DAB1: variants seen among roughly 807,000 people sequenced by gnomAD.
The protein encoded by DAB1 is DAB adaptor protein 1.
A neutral mutation model predicts 64.6 loss-of-function variants in DAB1; 15 were observed. That is an observed-to-expected ratio of 0.23 (90% CI 0.16 to 0.36). DAB1 has a LOEUF of 0.36. DAB1 is among the 10% of genes least tolerant of loss of function. DAB1 has a pLI of 1.00. For synonymous variants in DAB1, 235 were observed against 251.9 expected (o/e 0.93, Z 0.64); for missense variants, 596 against 706.7 (o/e 0.84, Z 1.78).
Position 57,183,103 on chromosome 1 carries a change from T to A in DAB1, c.68-37674A>T, listed in dbSNP as rs197110. ...AGCACTGGGGGTATTTAACCTGAGATGATAAAATGTGAAATTTTAGAATAC... is the reference window on the plus strand; with the variant it reads ...AGCACTGGGGGTATTTAACCTGAGAAGATAAAATGTGAAATTTTAGAATAC... On this transcript the variant is annotated intron_variant, in intron 2 of 14. Transcript: ENST00000371236. Among the ~76,000 whole-genome samples, 60 of 151,654 alleles carry A rather than the reference T, an allele frequency of 4.0e-4. 3 individuals are homozygous for A. The South Asian group carries it at 0.01, about 26-fold the overall frequency.
intron 7 of DAB1, among the ~76,000 whole-genome samples, chr1:57,570,222 T>A (rs561463860): frequency 6.6e-6 from 1 of 152,124 alleles, no homozygotes. Context: ...AAAGAGAGAC[T>A]GGCTTAGCTT....
chr1:58,537,993 C>T (rs1019886675), intron 1 of DAB1, among the ~76,000 whole-genome samples: 1 of 152,182 alleles, frequency 6.6e-6, no homozygotes, highest in Admixed American at 6.5e-5. Context: ...AACCAATAGT[C>T]AATACAGCTG....
At chr1:57,917,578 A>G (rs1190255788) in intron 5 of DAB1, among the ~76,000 whole-genome samples, 2 of 151,110 alleles carry the variant, frequency 1.3e-5, no homozygotes. Context: ...TGTTTTCCCC[A>G]TTTTCCCCCT....
intron 7 of DAB1, among the ~76,000 whole-genome samples, chr1:57,579,477 G>A (rs1645287567): frequency 6.6e-6 from 1 of 152,170 alleles, no homozygotes; most frequent in Admixed American, 6.5e-5. Context: ...GCCTATGAAA[G>A]CACTTTGTAA....
At chr1:58,517,599 T>C (rs546142108) in intron 2 of DAB1, among the ~76,000 whole-genome samples, 6 of 152,340 alleles carry the variant, frequency 3.9e-5, no homozygotes, top group African/African-American at 1.4e-4. Flanking sequence ...GTATCTCCAA[T>C]TCATAATACT....
chr1:57,334,738 C>T (rs1167837874), intron 1 of DAB1, among the ~76,000 whole-genome samples: 1 of 152,184 alleles, frequency 6.6e-6, no homozygotes, highest in East Asian at 1.9e-4. Context: ...GAAGTAAGCA[C>T]TATTATTGTC....
chr1:57,292,660 C>A (rs1212664938), intron 1 of DAB1, among the ~76,000 whole-genome samples: 1 of 152,042 alleles, frequency 6.6e-6, no homozygotes, highest in Non-Finnish European at 1.5e-5. Context: ...TTCATTGCAG[C>A]AAATATTTAG....
At chr1:57,418,446 A>T (rs1684655933) in intron 1 of DAB1, among the ~76,000 whole-genome samples, 1 of 152,214 alleles carries the variant, frequency 6.6e-6, no homozygotes, top group African/African-American at 2.4e-5. Flanking sequence ...AGACTGACCA[A>T]CAAAGAAAAT....
chr1:57,428,457 C>T (rs1054387514), upstream of DAB1, among the ~76,000 whole-genome samples: 3 of 152,134 alleles, frequency 2.0e-5, no homozygotes, highest in African/African-American at 7.2e-5. Context: ...AAAATGTCCC[C>T]TAGGTTCATT....
rs555878694 is a variant in DAB1 at position 58,300,717 on chromosome 1, A to G, written n.309+42635T>C. ...GGAAGGAAGGAAGGAAGGAAGGAAG[A>G]GAAAACTGGCAAGGAGAGAAAGCAA... On this transcript the variant is annotated intron_variant and non_coding_transcript_variant, in intron 4 of 20. Coordinates refer to the DAB1 transcript ENST00000485760. Among the ~76,000 whole-genome samples, 182 of 144,768 alleles carry G rather than the reference A, an allele frequency of 1.3e-3. 1 individual carries two copies. Among genetic ancestry groups the G allele is most frequent in the Middle Eastern group, 3.5e-3 (1 of 284 alleles). 95.0% of individuals were successfully genotyped at this position (144,768 alleles called of 152,430 possible). A position where few individuals can be genotyped will look rare whatever the true frequency, so the allele number is the denominator to read the frequency against.
intron 2 of DAB1, among the ~76,000 whole-genome samples, chr1:57,287,300 C>G (rs867488344): frequency 2.0e-4 from 31 of 152,136 alleles, no homozygotes; most frequent in African/African-American, 7.2e-4. Context: ...GTCTCAAACT[C>G]ATAAGTTCAA....
intron 2 of DAB1, among the ~76,000 whole-genome samples, chr1:57,256,024 C>T (rs894138170): frequency 1.3e-5 from 2 of 152,120 alleles, no homozygotes; most frequent in Admixed American, 6.6e-5. Context: ...ATCAAGGAAC[C>T]GACATGTGTG....
chr1:57,957,618 C>T (rs530757972), intron 5 of DAB1, among the ~76,000 whole-genome samples: 7 of 152,022 alleles, frequency 4.6e-5, no homozygotes, highest in Non-Finnish European at 1.0e-4. Flanking sequence ...TATGGGGTTA[C>T]CAAAAAAGTG....
At chr1:58,004,151 A>G (rs930708998) in intron 5 of DAB1, among the ~76,000 whole-genome samples, 1 of 152,194 alleles carries the variant, frequency 6.6e-6, no homozygotes, top group Non-Finnish European at 1.5e-5. Flanking sequence ...AGTGAGTCAC[A>G]GTTTTCTGAA....
chr1:57,567,513 T>C (rs1386146212), intron 7 of DAB1, among the ~76,000 whole-genome samples: 1 of 152,186 alleles, frequency 6.6e-6, no homozygotes, highest in Non-Finnish European at 1.5e-5. Context: ...GACATCATTG[T>C]ATATTTAGAA....
intron 2 of DAB1, among the ~76,000 whole-genome samples, chr1:58,522,846 G>T (rs917255076): frequency 1.6e-4 from 25 of 152,180 alleles, no homozygotes; most frequent in African/African-American, 5.3e-4. Flanking sequence ...AGTGGAAGTG[G>T]ATCATCATAA....
chr1:57,184,199 C>A (rs1663285935), intron 2 of DAB1, among the ~76,000 whole-genome samples: 1 of 152,206 alleles, frequency 6.6e-6, no homozygotes, highest in Admixed American at 6.5e-5. Flanking sequence ...AGCTAGTACC[C>A]TCCACAAGAA....
intron 7 of DAB1, among the ~76,000 whole-genome samples, chr1:57,481,605 T>A (rs969827956): frequency 6.6e-6 from 1 of 152,102 alleles, no homozygotes; most frequent in Admixed American, 6.5e-5. Context: ...TCACCTGAGG[T>A]CAAGAGTTTG....
At chr1:58,152,349 A>C (rs1654992415) in intron 4 of DAB1, among the ~76,000 whole-genome samples, 1 of 152,212 alleles carries the variant, frequency 6.6e-6, no homozygotes. Flanking sequence ...TATCAGAGAG[A>C]AGGTAAAGAG....
Sources: gnomAD v4.1 joint callset for allele counts (sites outside exome capture counted in the v4.1 genomes callset) on GRCh38, gnomAD v4.1.1 for gene constraint, MANE v1.5 for transcripts, NCBI Gene and HGNC (gene_info 2026-07-23, HGNC 2026-07-21) for gene names.